FAM168B: variants seen among roughly 807,000 people sequenced by gnomAD.
The protein encoded by FAM168B is family with sequence similarity 168 member B, also known as myelin-associated neurite-outgrowth inhibitor.
In FAM168B, 19 loss-of-function variants were observed where a neutral mutation model predicts 21.8. That is an observed-to-expected ratio of 0.87 (90% CI 0.61 to 1.28). The LOEUF (loss-of-function observed/expected upper bound fraction) is 1.28, where lower values mean the gene tolerates loss of function less well. Ranked by LOEUF, FAM168B falls within the 50% of genes most tolerant of loss-of-function variation. FAM168B has a pLI of 0.00. For missense variants in FAM168B, 233 were observed against 263.1 expected (o/e 0.89, Z 0.79); for synonymous variants, 126 against 104.8 (o/e 1.20, Z -1.24).
intron 3 of FAM168B, among the ~76,000 whole-genome samples, chr2:131,062,543 G>A (rs2105487634): frequency 6.6e-6 from 1 of 152,314 alleles, no homozygotes; most frequent in South Asian, 2.1e-4. Context: ...TGCCTCCCGG[G>A]TTCAAGCGAT....
At position 131,065,420 on chromosome 2, in the gene FAM168B, C is replaced by T. The variant is rs77839414; in HGVS notation, c.154+6435G>A. Among the ~76,000 whole-genome samples the T allele has an allele frequency of 2.8e-3, 421 of 152,290 alleles. 9 individuals are homozygous for T. The highest frequency in any genetic ancestry group is 0.02 in the Admixed American group (304 of 15,302). ...ATATTCCAAAGGCTATTCTCTCCCC[C>T]TCGGCTGCCATGCATGAAGTTTAAT... On this transcript the variant is annotated intron_variant, in intron 3 of 6. Transcript: ENST00000389915.
chr2:131,072,589 G>C (rs1231987811), intron 2 of FAM168B, among the ~76,000 whole-genome samples: 3 of 152,036 alleles, frequency 2.0e-5, no homozygotes, highest in African/African-American at 7.3e-5. Flanking sequence ...CTTCCGAGTA[G>C]CTGGGATTAC....
chr2:131,062,744 G>A (rs185160302), intron 3 of FAM168B, among the ~76,000 whole-genome samples: 21 of 152,218 alleles, frequency 1.4e-4, no homozygotes, highest in African/African-American at 3.9e-4. Flanking sequence ...CGCCGCGTCC[G>A]GCCTACCCAA....
chr2:131,081,579 T>C (rs1693435350), intron 2 of FAM168B, among the ~76,000 whole-genome samples: 1 of 152,214 alleles, frequency 6.6e-6, no homozygotes, highest in Non-Finnish European at 1.5e-5. Context: ...AACTTCCTTA[T>C]GGGGCCACTG....
At chr2:131,071,034 T>C (rs1185599722) in intron 3 of FAM168B, among the ~76,000 whole-genome samples, 2 of 152,184 alleles carry the variant, frequency 1.3e-5, no homozygotes, top group East Asian at 1.9e-4. Context: ...AGGGTGGTCA[T>C]ATAGGGTCAT....
Position 131,048,536 on chromosome 2 carries a change from A to G in FAM168B, c.*3929T>C, listed in dbSNP as rs1691438688. Reference sequence around the variant, plus strand: ...TCTTCTTCAAATAATGAGTAGGAAAAAGAGACAAACTTTCTGAAACATGCA... The same window carrying G: ...TCTTCTTCAAATAATGAGTAGGAAAGAGAGACAAACTTTCTGAAACATGCA... On this transcript the variant is annotated 3_prime_UTR_variant, in exon 7 of 7. Transcript: ENST00000389915. 8.0e-6 allele frequency: 9 copies of G among 1,120,084 alleles called. No homozygotes were observed. The highest frequency in any genetic ancestry group is 6.8e-5 in the East Asian group (1 of 14,604). 69.4% of individuals were successfully genotyped at this position (1,120,084 alleles called of 1,614,324 possible).
At chr2:131,053,137 G>A (rs1691798291) in intron 5 of FAM168B, 122 bp from the exon 6 acceptor site, 4 of 1,342,390 alleles carry the variant, frequency 3.0e-6, no homozygotes, top group Non-Finnish European at 3.9e-6. Flanking sequence ...GGATAGTCTT[G>A]ACCCAGATAC....
Position 131,049,778 on chromosome 2 carries a change from G to C in FAM168B, c.*2687C>G, listed in dbSNP as rs1308518855. The C allele has an allele frequency of 5.1e-6, 5 of 985,730 alleles. No homozygotes were observed. The highest frequency in any genetic ancestry group is 4.8e-6 in the Non-Finnish European group (4 of 829,938). 61.1% of individuals were successfully genotyped at this position (985,730 alleles called of 1,614,324 possible). On this transcript the variant is annotated 3_prime_UTR_variant, in exon 7 of 7. Transcript: ENST00000389915. Reference sequence around the variant, plus strand: ...ATTAGGAATGTCAAACACACAAAAAGCAAATTTCTCAGAATGCTCCACCAT... The same window carrying C: ...ATTAGGAATGTCAAACACACAAAAACCAAATTTCTCAGAATGCTCCACCAT...
At chr2:131,079,298 T>C (rs1383555386) in intron 2 of FAM168B, among the ~76,000 whole-genome samples, 1 of 152,082 alleles carries the variant, frequency 6.6e-6, no homozygotes, top group Non-Finnish European at 1.5e-5. Flanking sequence ...TGAAACCCTA[T>C]CTCTACTAAA....
At chr2:131,084,717 A>G (rs1221452490) in intron 1 of FAM168B, among the ~76,000 whole-genome samples, 1 of 152,018 alleles carries the variant, frequency 6.6e-6, no homozygotes, top group Non-Finnish European at 1.5e-5. Flanking sequence ...CTCTCTAGTA[A>G]GCTCCTCTGA....
intron 2 of FAM168B, among the ~76,000 whole-genome samples, chr2:131,074,055 T>TCCC (rs2105533266): frequency 6.6e-6 from 1 of 152,304 alleles, no homozygotes; most frequent in Non-Finnish European, 1.5e-5. Context: ...CGATAAGGCC[T>TCCC]CCCTTCCCTT....
At chr2:131,083,553 G>A (rs1396992658) in intron 1 of FAM168B, among the ~76,000 whole-genome samples, 2 of 152,036 alleles carry the variant, frequency 1.3e-5, no homozygotes, top group Non-Finnish European at 2.9e-5. Flanking sequence ...AAAAAACATG[G>A]GGAAAACCCT....
At chr2:131,055,206 T>C in intron 5 of FAM168B, 66 bp downstream of exon 5, 1 of 1,386,540 alleles carries the variant, frequency 7.2e-7, no homozygotes, top group Non-Finnish European at 9.4e-7. Flanking sequence ...AGAGGATTCG[T>C]GAGCTCTCCC....
Position 131,050,726 on chromosome 2 carries a change from CACCA to C in FAM168B, c.*1735_*1738del. On this transcript the variant is annotated 3_prime_UTR_variant, in exon 7 of 7. Coordinates refer to ENST00000389915, the MANE Select transcript of FAM168B (RefSeq NM_001009993.4). ...AAGGCTCAGTGGTCAGGTGTCCCCC[CACCA>C]ACCAACTGGGGCAGAATGCTAGTGG... 1 of 985,374 alleles carries C rather than the reference CACCA, an allele frequency of 1.0e-6. No individual in the cohort carries two copies. Among genetic ancestry groups the C allele is most frequent in the Non-Finnish European group, 1.2e-6 (1 of 829,918 alleles). 61.0% of individuals were successfully genotyped at this position (985,374 alleles called of 1,614,324 possible).
Position 131,055,350 on chromosome 2 carries a change from G to A in FAM168B, c.397C>T (p.Pro133Ser), listed in dbSNP as rs1303099054. The part of the protein sequence containing the change: ...QPNGMPATVY[P>S]APIPPPRGNG... ...CCTCTAGGAGGGGGGATGGGAGCAG[G>A]GTACACCGTTGCAGGCATGCCGTTG... The change falls in exon 5 of 7, where the codon CCT (proline) becomes TCT (serine). Residue 133 changes from proline (P) to serine (S), a missense_variant. Transcript: ENST00000389915. 4 of 1,595,166 alleles carry A rather than the reference G, an allele frequency of 2.5e-6. No homozygotes were observed. Among genetic ancestry groups the A allele is most frequent in the Non-Finnish European group, 3.4e-6 (4 of 1,174,934 alleles).
rs909131605 is a variant in FAM168B, at chr2:131,049,063, T to C, written c.*3402A>G. 3 of 985,350 alleles carry C rather than the reference T, an allele frequency of 3.0e-6. No homozygotes were observed. In the African/African-American group the frequency reaches 5.2e-5, roughly 17 times the overall value. 61.0% of individuals were successfully genotyped at this position (985,350 alleles called of 1,614,324 possible). On this transcript the variant is annotated 3_prime_UTR_variant, in exon 7 of 7. Transcript: ENST00000389915. Reference sequence around the variant, plus strand: ...CTTACATAACTAGTACATGTTGGCCTTTCACCAGCACTCACTGGCACTCAC... The same window carrying C: ...CTTACATAACTAGTACATGTTGGCCCTTCACCAGCACTCACTGGCACTCAC...
rs749412899 is a variant in FAM168B, at chr2:131,055,604, A to C, written c.246T>G (p.Thr82=). The C allele has an allele frequency of 1.2e-6, 2 of 1,610,992 alleles. No homozygotes were observed. The highest frequency in any genetic ancestry group is 1.7e-6 in the Non-Finnish European group (2 of 1,178,590). The change falls in exon 4 of 7, where the codon ACT becomes ACG. Residue 82 remains threonine (T), a synonymous_variant. Transcript: ENST00000389915. ...AGGCACTTCGCACAGGGTACACGGC[A>C]GTCTGGTAGGGGTTCGGGGAGGAGG... is the stretch of plus-strand genomic sequence containing the variant. ...PYSSSPNPYQ[T]AVYPVRSAYP...
chr2:131,065,236 T>C (rs906993932), intron 3 of FAM168B, among the ~76,000 whole-genome samples: 4 of 152,182 alleles, frequency 2.6e-5, no homozygotes, highest in Non-Finnish European at 5.9e-5. Context: ...AGCTGGAGTT[T>C]GCCCATGGGG....
chr2:131,065,989 C>T (rs1223163400), intron 3 of FAM168B, among the ~76,000 whole-genome samples: 4 of 151,906 alleles, frequency 2.6e-5, no homozygotes, highest in Non-Finnish European at 4.4e-5. Flanking sequence ...CAATTATTGC[C>T]CTTAGAATAC....
Sources: allele counts gnomAD v4.1 joint callset (sites outside exome capture counted in the v4.1 genomes callset), GRCh38; gene constraint gnomAD v4.1.1; transcripts MANE v1.5; gene names NCBI Gene and HGNC (gene_info 2026-07-23, HGNC 2026-07-21).